HPSE: variants seen among roughly 807,000 people sequenced by gnomAD.
HPSE encodes endo-glucoronidase.
A neutral mutation model predicts 65.1 loss-of-function variants in HPSE; 48 were observed. The ratio of observed to expected loss-of-function variants is 0.74; its 90% confidence interval spans 0.58 to 0.94. The LOEUF (loss-of-function observed/expected upper bound fraction) is 0.94, where lower values mean the gene tolerates loss of function less well. Ranked by LOEUF, HPSE falls within the 40% of genes least tolerant of loss-of-function variation. The pLI is 0.00. For synonymous variants in HPSE, 243 were observed against 260.0 expected (o/e 0.93, Z 0.63); for missense variants, 644 against 637.5 (o/e 1.01, Z -0.11).
At chr4:83,307,783 G>T (rs955670706) in intron 8 of HPSE, among the ~76,000 whole-genome samples, 7 of 151,996 alleles carry the variant, frequency 4.6e-5, no homozygotes, top group African/African-American at 1.7e-4. Context: ...TGTATTCTAG[G>T]CTTATAAGAA....
intron 8 of HPSE, among the ~76,000 whole-genome samples, chr4:83,308,480 C>T (rs1400616211): frequency 6.6e-6 from 1 of 152,184 alleles, no homozygotes; most frequent in Admixed American, 6.5e-5. Flanking sequence ...CTCCTGGGCT[C>T]AAGCAATCCT....
chr4:83,335,048 G>A (rs1193233302), upstream of HPSE: 20 of 509,570 alleles, frequency 3.9e-5, no homozygotes, highest in Admixed American at 7.5e-5. Context: ...GTTCACTTAC[G>A]AAATCACCCA....
At position 83,296,269 on chromosome 4, in the gene HPSE, C is replaced by T. The variant is rs188686997; in HGVS notation, c.1473-766G>A. ...AGAGCTTATGAAGAAAAGCTTTAGT[C>T]GGCTGTAGGTCTATTGATATTTTCA... On this transcript the variant is annotated intron_variant, in intron 11 of 11. Transcript: ENST00000311412. 1.4e-3 allele frequency among the ~76,000 whole-genome samples: 209 copies of T among 152,254 alleles called. 1 individual carries two copies. Among genetic ancestry groups the T allele is most frequent in the Non-Finnish European group, 2.4e-3 (162 of 68,010 alleles).
At chr4:83,333,982 T>C (rs2126200392) in intron 1 of HPSE, among the ~76,000 whole-genome samples, 1 of 152,318 alleles carries the variant, frequency 6.6e-6, no homozygotes, top group Middle Eastern at 3.4e-3. Context: ...TCACAGGCCT[T>C]CAGGTGCACC....
At chr4:83,316,921 G>A (rs1238997289) in intron 3 of HPSE, among the ~76,000 whole-genome samples, 1 of 151,922 alleles carries the variant, frequency 6.6e-6, no homozygotes, top group African/African-American at 2.4e-5. Flanking sequence ...GTTTTTTTGA[G>A]ACAGAGTCTC....
In HPSE at chr4:83,313,241, C is replaced by T; in HGVS notation, c.546G>A (p.Leu182=). The T allele has an allele frequency of 6.2e-7, 1 of 1,613,850 alleles. No homozygotes were observed. Among genetic ancestry groups the T allele is most frequent in the African/African-American group, 1.3e-5 (1 of 74,996 alleles). Residue 182 remains leucine, a synonymous_variant, in exon 4 of 12, where the codon CTG becomes CTA. Transcript: ENST00000311412. Reference sequence around the variant, plus strand: ...ACGCATTTAGGCCAAAGATCAAGTCCAGTCCTGAGCAGTTTGCAAAAGTGT... The same window carrying T: ...ACGCATTTAGGCCAAAGATCAAGTCTAGTCCTGAGCAGTTTGCAAAAGTGT... ...VLYTFANCSG[L]DLIFGLNALL...
At chr4:83,300,538 A>G (rs1217746725) in intron 11 of HPSE, among the ~76,000 whole-genome samples, 1 of 152,234 alleles carries the variant, frequency 6.6e-6, no homozygotes, top group Non-Finnish European at 1.5e-5. Context: ...GTATTCATAC[A>G]TAAATTTCCT....
chr4:83,299,498 G>A (rs188839956), intron 11 of HPSE, among the ~76,000 whole-genome samples: 1 of 151,760 alleles, frequency 6.6e-6, no homozygotes, highest in Non-Finnish European at 1.5e-5. Context: ...TATGATTATA[G>A]TTATAGTAAA....
At chr4:83,330,226 C>G (rs1289987770) in intron 1 of HPSE, among the ~76,000 whole-genome samples, 4 of 152,152 alleles carry the variant, frequency 2.6e-5, no homozygotes, top group South Asian at 2.1e-4. Context: ...GAATATGCAG[C>G]CATTACTCAA....
chr4:83,334,511 T>C (rs1410809099), intron 1 of HPSE, 45 bp downstream of exon 1: 12 of 1,525,676 alleles, frequency 7.9e-6, no homozygotes, highest in Middle Eastern at 2.0e-4. Flanking sequence ...GACATAGGTG[T>C]CAGGAGGACA....
chr4:83,325,192 C>T (rs1578026078), intron 1 of HPSE, among the ~76,000 whole-genome samples: 1 of 130,802 alleles, frequency 7.6e-6, no homozygotes, highest in East Asian at 2.4e-4. Context: ...TGTTTTGAGA[C>T]AGGGTCTCTG....
rs1275777548 is a variant in HPSE, at chr4:83,310,626, T to C, written c.842+96A>G. On this transcript the variant is annotated intron_variant, in intron 5 of 11. Transcript: ENST00000311412. Reference sequence around the variant, plus strand: ...GGTCGAAGTTGCAGTGAGCCATGATTGTACCACTGCACTCCAGTCTGGCTG... The same window carrying C: ...GGTCGAAGTTGCAGTGAGCCATGATCGTACCACTGCACTCCAGTCTGGCTG... 4 of 1,175,912 alleles carry C rather than the reference T, an allele frequency of 3.4e-6. No individual in the cohort carries two copies. In the East Asian group the frequency reaches 9.4e-5, roughly 28 times the overall value. The allele number at this position is 1,175,912 out of a possible 1,614,324, so 72.8% of individuals were successfully genotyped here.
rs188166433 is a variant in HPSE, at chr4:83,301,615, C to T, written c.1326-509G>A. Among the ~76,000 whole-genome samples, 311 of 152,304 alleles carry T rather than the reference C, an allele frequency of 2.0e-3. 1 individual carries two copies. The highest frequency in any genetic ancestry group is 0.01 in the Middle Eastern group (3 of 294). ...TACTTCCTACTGGGGTCCTCACTAT[C>T]CAGAGTTCCCAGTCACCAACAATCG... On this transcript the variant is annotated intron_variant, in intron 10 of 11. Transcript: ENST00000311412.
chr4:83,319,609 G>A, intron 2 of HPSE, 140 bp from the exon 3 acceptor site: 1 of 823,294 alleles, frequency 1.2e-6, no homozygotes, highest in Admixed American at 2.9e-5. Context: ...GCAGAGAAAA[G>A]GTATATTCTG....
chr4:83,313,090 T>C (rs528896522), intron 4 of HPSE, 24 bp downstream of exon 4: 18 of 1,463,550 alleles, frequency 1.2e-5, no homozygotes, highest in Admixed American at 6.2e-5. Context: ...TCCTTATTAA[T>C]GAATTGTTCC....
Position 83,322,361 on chromosome 4 carries a change from A to C in HPSE, c.231T>G (p.Ser77=). The C allele has an allele frequency of 6.2e-7, 1 of 1,609,064 alleles. No individual in the cohort carries two copies. Among genetic ancestry groups the C allele is most frequent in the Non-Finnish European group, 8.5e-7 (1 of 1,178,320 alleles). Residue 77 remains serine, a synonymous_variant, in exon 2 of 12, where the codon TCT becomes TCG. Coordinates refer to ENST00000311412, the MANE Select transcript of HPSE (RefSeq NM_001098540.3). ...TDPRFLILLG[S]PKLRTLARGL... is the part of the protein sequence containing the mutation. ...CTCTGGCCAAGGTACGAAGCTTTGG[A>C]GAACTGTTAGGAAGACAAGCAAGAA...
intron 1 of HPSE, among the ~76,000 whole-genome samples, chr4:83,328,357 G>A (rs953388642): frequency 3.3e-5 from 5 of 152,028 alleles, no homozygotes; most frequent in South Asian, 2.1e-4. Flanking sequence ...CCCTATGTGC[G>A]TGTCTGTCTC....
intron 1 of HPSE, among the ~76,000 whole-genome samples, chr4:83,327,207 GGCCC>G (rs1737189182): frequency 6.6e-6 from 1 of 152,154 alleles, no homozygotes; most frequent in South Asian, 2.1e-4. Context: ...GAATGAGCAA[GGCCC>G]GCCTGATGTA....
intron 1 of HPSE, among the ~76,000 whole-genome samples, chr4:83,325,393 T>C (rs1217533572): frequency 3.3e-5 from 5 of 152,310 alleles, no homozygotes; most frequent in African/African-American, 1.2e-4. Flanking sequence ...CTTGAACTCC[T>C]GACCTCAGGT....
Sources: allele counts gnomAD v4.1 joint callset (sites outside exome capture counted in the v4.1 genomes callset), GRCh38; gene constraint gnomAD v4.1.1; transcripts MANE v1.5; gene names NCBI Gene and HGNC (gene_info 2026-07-23, HGNC 2026-07-21).